The following GPC5 variants were observed in gnomAD, a reference collection of about 807,000 sequenced individuals.
The protein encoded by GPC5 is glypican-5.
Under a neutral mutation model 53.9 loss-of-function variants are expected in GPC5, and 47 were observed. The observed-to-expected ratio is 0.87, with a 90% CI of 0.69 to 1.11. The LOEUF (loss-of-function observed/expected upper bound fraction) is 1.11. Among genes scored for constraint, GPC5 ranks in the 50% most tolerant of loss-of-function variants. The pLI, the probability that GPC5 is intolerant of heterozygous loss-of-function variation, is 0.00. For missense variants in GPC5, 748 were observed against 713.1 expected (o/e 1.05, Z -0.56); for synonymous variants, 286 against 263.3 (o/e 1.09, Z -0.84).
At chr13:91,499,464 T>C (rs1392505673) in intron 2 of GPC5, among the ~76,000 whole-genome samples, 1 of 152,154 alleles carries the variant, frequency 6.6e-6, no homozygotes, top group African/African-American at 2.4e-5. Flanking sequence ...TCCAAATACA[T>C]CTTAGTCAGT....
chr13:91,520,382 G>A (rs1885739673), intron 2 of GPC5, among the ~76,000 whole-genome samples: 1 of 152,104 alleles, frequency 6.6e-6, no homozygotes, highest in African/African-American at 2.4e-5. Context: ...GGTATGTTTT[G>A]GACATGATTG....
intron 7 of GPC5, among the ~76,000 whole-genome samples, chr13:92,413,672 G>C (rs1876149303): frequency 6.6e-6 from 1 of 152,118 alleles, no homozygotes; most frequent in Admixed American, 6.5e-5. Flanking sequence ...CTGCAGCTTT[G>C]ATAACCACAG....
At chr13:92,752,976 G>A (rs1418394196) in intron 7 of GPC5, among the ~76,000 whole-genome samples, 7 of 152,174 alleles carry the variant, frequency 4.6e-5, no homozygotes, top group African/African-American at 1.7e-4. Flanking sequence ...CTCGAACTGG[G>A]TGGAGCCCAC....
intron 3 of GPC5, among the ~76,000 whole-genome samples, chr13:91,710,820 T>G (rs191280301): frequency 6.6e-6 from 1 of 152,272 alleles, no homozygotes; most frequent in Non-Finnish European, 1.5e-5. Flanking sequence ...AGTTCACTCA[T>G]GTTCATTTAG....
chr13:92,247,864 C>A (rs2042664153), intron 7 of GPC5, among the ~76,000 whole-genome samples: 1 of 152,068 alleles, frequency 6.6e-6, no homozygotes, highest in Non-Finnish European at 1.5e-5. Context: ...CAGCATTGAT[C>A]CATATTATGT....
chr13:92,628,260 CTTTCTTT>C (rs1885114264), intron 7 of GPC5, among the ~76,000 whole-genome samples: 1 of 37,554 alleles, frequency 2.7e-5, no homozygotes. Context: ...TTTTCTTTTT[CTTTCTTT>C]TTTTTTTTTT....
intron 2 of GPC5, among the ~76,000 whole-genome samples, chr13:91,637,185 T>G (rs971507406): frequency 6.6e-6 from 1 of 152,192 alleles, no homozygotes; most frequent in Non-Finnish European, 1.5e-5. Context: ...GAAACCTTCT[T>G]ACCTATTTCT....
At chr13:92,314,667 T>G (rs775478601) in intron 7 of GPC5, among the ~76,000 whole-genome samples, 2 of 152,218 alleles carry the variant, frequency 1.3e-5, no homozygotes, top group Non-Finnish European at 2.9e-5. Flanking sequence ...TACTGCAAGA[T>G]GTAAGGGAAA....
chr13:91,972,450 C>G (rs1310739280), intron 6 of GPC5, among the ~76,000 whole-genome samples: 1 of 152,128 alleles, frequency 6.6e-6, no homozygotes, highest in South Asian at 2.1e-4. Flanking sequence ...TTAATTGGAG[C>G]ATTTAGCCCA....
chr13:92,701,830 T>C (rs1887753438), intron 7 of GPC5, among the ~76,000 whole-genome samples: 1 of 152,028 alleles, frequency 6.6e-6, no homozygotes, highest in African/African-American at 2.4e-5. Flanking sequence ...ACCAGAGACA[T>C]CTAAAAATGG....
intron 2 of GPC5, 122 bp from the exon 3 acceptor site, chr13:91,693,065 G>T: frequency 1.4e-6 from 1 of 731,416 alleles, no homozygotes; most frequent in South Asian, 1.9e-5. Context: ...GGTTGAGTAG[G>T]CTGAGAGTTA....
intron 6 of GPC5, among the ~76,000 whole-genome samples, chr13:92,087,129 C>T (rs951491477): frequency 1.3e-5 from 2 of 152,196 alleles, no homozygotes; most frequent in African/African-American, 4.8e-5. Context: ...CATCTTGATA[C>T]TTTGTTAAAC....
intron 6 of GPC5, among the ~76,000 whole-genome samples, chr13:91,986,225 C>T (rs2040406851): frequency 1.3e-5 from 2 of 151,780 alleles, no homozygotes; most frequent in Non-Finnish European, 2.9e-5. Flanking sequence ...ACCACCATGC[C>T]CGGCTAATTT....
intron 7 of GPC5, among the ~76,000 whole-genome samples, chr13:92,527,255 GAAAGAA>G (rs1566277292): frequency 5.1e-5 from 4 of 78,300 alleles, no homozygotes; most frequent in African/African-American, 1.4e-4. Flanking sequence ...GAAAGAGAAA[GAAAGAA>G]AGAAAGAAAG....
chr13:91,581,183 T>C (rs1048635565), intron 2 of GPC5, among the ~76,000 whole-genome samples: 1 of 152,300 alleles, frequency 6.6e-6, no homozygotes, highest in Middle Eastern at 3.4e-3. Context: ...GGGGACAAAG[T>C]CAAACCATAT....
intron 2 of GPC5, among the ~76,000 whole-genome samples, chr13:91,688,517 T>C (rs1440133885): frequency 6.6e-6 from 1 of 152,166 alleles, no homozygotes; most frequent in African/African-American, 2.4e-5. Context: ...TTTGATATTG[T>C]GGTGAGTTAA....
At chr13:91,600,439 G>A (rs972825086) in intron 2 of GPC5, among the ~76,000 whole-genome samples, 2 of 151,036 alleles carry the variant, frequency 1.3e-5, no homozygotes, top group Non-Finnish European at 2.9e-5. Flanking sequence ...CCGAGATTGT[G>A]CCACTGCACT....
Position 92,384,126 on chromosome 13 carries a change from GTT to G in GPC5, c.1561+239147_1561+239148del, listed in dbSNP as rs60184723. On this transcript the variant is annotated intron_variant, in intron 7 of 7. Transcript: ENST00000377067. ...ATAGATACACACATTGTTTTTATAG[GTT>G]TTTTTTTTTCACTCCAGGTTATTTT... Among the ~76,000 whole-genome samples, 2 of 149,050 alleles carry G rather than the reference GTT, an allele frequency of 1.3e-5. 1 individual carries two copies. The highest frequency in any genetic ancestry group is 6.5e-3 in the Middle Eastern group (2 of 308).
intron 6 of GPC5, among the ~76,000 whole-genome samples, chr13:91,976,028 A>G (rs1300427380): frequency 6.6e-6 from 1 of 152,178 alleles, no homozygotes; most frequent in Non-Finnish European, 1.5e-5. Flanking sequence ...AGGACAAAAA[A>G]CCAAACACCG....
Sources: allele counts gnomAD v4.1 joint callset (sites outside exome capture counted in the v4.1 genomes callset), GRCh38; gene constraint gnomAD v4.1.1; transcripts MANE v1.5; gene names NCBI Gene and HGNC (gene_info 2026-07-23, HGNC 2026-07-21).